The following ABCF1 variants were observed in gnomAD, a reference collection of about 807,000 sequenced individuals.
The protein encoded by ABCF1 is ATP binding cassette subfamily F member 1.
In ABCF1, 73 loss-of-function variants were observed where a neutral mutation model predicts 126.3. The observed-to-expected ratio is 0.58, with a 90% CI of 0.48 to 0.70. The LOEUF (loss-of-function observed/expected upper bound fraction) is 0.70. Among genes scored for constraint, ABCF1 ranks in the 30% least tolerant of loss-of-function variants. ABCF1 has a pLI of 0.00. For missense variants in ABCF1, 786 were observed against 1,057.5 expected (o/e 0.74, Z 3.56); for synonymous variants, 345 against 396.4 (o/e 0.87, Z 1.54).
At chr6:30,572,828 G>A (rs1004025885) in intron 1 of ABCF1, among the ~76,000 whole-genome samples, 2 of 152,158 alleles carry the variant, frequency 1.3e-5, no homozygotes, top group Admixed American at 6.5e-5. Flanking sequence ...AAAGATCATC[G>A]TGAATTAGCA....
At position 30,583,684 on chromosome 6, in the gene ABCF1, G is replaced by A. The variant is rs771210465; in HGVS notation, c.992G>A (p.Arg331His). The A allele has an allele frequency of 5.5e-5, 88 of 1,613,910 alleles. No homozygotes were observed. The highest frequency in any genetic ancestry group is 6.7e-5 in the Non-Finnish European group (79 of 1,179,950). ...GACCTGTACATTGTAGCCGGCCGCC[G>A]CTACGGGCTGGTAGGACCCAATGGG... ...NADLYIVAGR[R>H]YGLVGPNGKG... Residue 331 changes from arginine to histidine, a missense_variant, in exon 11 of 25, where the codon CGC becomes CAC. Physicochemically the swap from Arg to His is conservative, Grantham distance 29. Coordinates refer to ENST00000326195, the MANE Select transcript of ABCF1 (RefSeq NM_001025091.2). This position sits in a 1 kb window ranked among gnomAD's most constrained non-coding sequence, Gnocchi z 4.1.
intron 8 of ABCF1, among the ~76,000 whole-genome samples, chr6:30,582,166 C>T (rs552337457): frequency 1.3e-5 from 2 of 151,868 alleles, no homozygotes; most frequent in African/African-American, 2.4e-5. Flanking sequence ...ACACCATTCT[C>T]CTGCCTCAGC....
In ABCF1 at chr6:30,583,535, C is replaced by T. The variant is rs1197611200; in HGVS notation, c.916-73C>T. 2.8e-5 allele frequency: 42 copies of T among 1,498,486 alleles called. No homozygotes were observed. Among genetic ancestry groups the T allele is most frequent in the Non-Finnish European group, 3.5e-5 (38 of 1,079,996 alleles). 92.8% of individuals were successfully genotyped at this position (1,498,486 alleles called of 1,614,324 possible). The stretch of plus-strand genomic sequence containing the variant: ...GGCTTCCCTGCAGGGAGAAAGTGGC[C>T]GCTCCTGTCCCAAAGGGAGAATTTT... On this transcript the variant is annotated intron_variant, in intron 10 of 24. Transcript: ENST00000326195. This position sits in a 1 kb window ranked among gnomAD's most constrained non-coding sequence, Gnocchi z 4.1.
Position 30,586,481 on chromosome 6 carries a change from A to T in ABCF1, c.1893A>T (p.Thr631=), listed in dbSNP as rs1802140608. 1 of 1,613,550 alleles carries T rather than the reference A, an allele frequency of 6.2e-7. No individual in the cohort carries two copies. Among genetic ancestry groups the T allele is most frequent in the South Asian group, 1.1e-5 (1 of 91,086 alleles). ...SPPVLGLHGV[T]FGYQGQKPLF... ...TCTTTTCGTGGCTTTCAGGTGTGAC[A>T]TTCGGCTACCAGGGACAGAAACCAC... Residue 631 remains threonine (T), a synonymous_variant, in exon 19 of 25, where the codon ACA becomes ACT. Transcript: ENST00000326195. The surrounding 1 kb of genome is among the most constrained non-coding windows in gnomAD (Gnocchi z 4.9).
At chr6:30,588,651 G>A (rs897338267) in intron 20 of ABCF1, among the ~76,000 whole-genome samples, 1 of 151,944 alleles carries the variant, frequency 6.6e-6, no homozygotes, top group African/African-American at 2.4e-5. Flanking sequence ...GAGCCACCAC[G>A]CCCGGCAAAC....
At chr6:30,587,145 C>T (rs188659122) in intron 20 of ABCF1, among the ~76,000 whole-genome samples, 173 of 152,034 alleles carry the variant, frequency 1.1e-3, no homozygotes, top group African/African-American at 3.8e-3. Flanking sequence ...CCTAGCTACT[C>T]AGGAGGCTGA....
At chr6:30,581,839 T>C (rs1166428457) in intron 8 of ABCF1, among the ~76,000 whole-genome samples, 2 of 152,168 alleles carry the variant, frequency 1.3e-5, no homozygotes, top group African/African-American at 4.8e-5. Context: ...ACATAACGCG[T>C]TGTCACATTT....
chr6:30,590,353 G>T lies in ABCF1; in HGVS notation c.2346G>T (p.Gly782=). 3.1e-6 allele frequency: 5 copies of T among 1,611,190 alleles called. No individual in the cohort carries two copies. The highest frequency in any genetic ancestry group is 4.2e-6 in the Non-Finnish European group (5 of 1,178,890). ...NLDIESIDAL[G]EAINEYKGAV... ...ACATAGAGTCTATTGATGCTCTAGG[G>T]GAGGCCATCAATGAATACAAGGGTG... The change falls in exon 24 of 25, where the codon GGG becomes GGT. Residue 782 remains glycine, a synonymous_variant. Coordinates refer to ENST00000326195, the MANE Select transcript of ABCF1 (RefSeq NM_001025091.2).
At chr6:30,571,612 CTGCGCGTGTTTT>C in intron 1 of ABCF1, 52 bp downstream of exon 1, 1 of 1,568,112 alleles carries the variant, frequency 6.4e-7, no homozygotes. Flanking sequence ...AGAGAGGAGA[CTGCGCGTGTTTT>C]AAGAGAGGGT....
At position 30,590,704 on chromosome 6, in the gene ABCF1, T is replaced by A; in HGVS notation, c.*3T>A. 6.3e-7 allele frequency: 1 copy of A among 1,578,158 alleles called. No individual in the cohort carries two copies. Among genetic ancestry groups the A allele is most frequent in the Non-Finnish European group, 8.6e-7 (1 of 1,162,242 alleles). ...TGGTCAGCCGGCCCCGAGAGTGAGC[T>A]TTCCTTCCCAGAAGTCTCCCGAGAG... On this transcript the variant is annotated 3_prime_UTR_variant, in exon 25 of 25. Transcript: ENST00000326195.
Position 30,590,530 on chromosome 6 carries a change from C to G in ABCF1, c.2372-5C>G. ...GCCCTCTGTTGTTGCTATCTTTCTT[C>G]AAAGCTGTGATCGTTGTCAGCCATG... On this transcript the variant is annotated splice_region_variant and splice_polypyrimidine_tract_variant and intron_variant, in intron 24 of 24. Transcript: ENST00000326195. 6.2e-7 allele frequency: 1 copy of G among 1,607,228 alleles called. No individual in the cohort carries two copies. The highest frequency in any genetic ancestry group is 8.5e-7 in the Non-Finnish European group (1 of 1,177,618).
intron 20 of ABCF1, chr6:30,589,447 CA>C (rs1479418582): frequency 5.2e-6 from 3 of 573,984 alleles, no homozygotes; most frequent in African/African-American, 3.8e-5. Context: ...ACTAAAAATA[CA>C]AAAAATTAGC....
At position 30,590,300 on chromosome 6, in the gene ABCF1, A is replaced by G. The variant is rs751905927; in HGVS notation, c.2299-6A>G. 7.4e-6 allele frequency: 12 copies of G among 1,611,900 alleles called. No homozygotes were observed. The highest frequency in any genetic ancestry group is 1.6e-4 in the Middle Eastern group (1 of 6,082). ...AGTGCTCAGTCATGGAATTCCTCCT[A>G]TGTAGGACGAGCCAACCAATAACCT... On this transcript the variant is annotated splice_polypyrimidine_tract_variant and splice_region_variant and intron_variant, in intron 23 of 24. Coordinates refer to ENST00000326195, the MANE Select transcript of ABCF1 (RefSeq NM_001025091.2).
Position 30,583,664 on chromosome 6 carries a change from G to C in ABCF1, c.972G>C (p.Leu324=). 1.2e-6 allele frequency: 2 copies of C among 1,614,028 alleles called. No individual in the cohort carries two copies. Among genetic ancestry groups the C allele is most frequent in the Non-Finnish European group, 1.7e-6 (2 of 1,179,912 alleles). ...HGKELFVNAD[L]YIVAGRRYGL... is the part of the protein sequence containing the mutation. ...AGGAGCTGTTCGTCAATGCAGACCT[G>C]TACATTGTAGCCGGCCGCCGCTACG... Residue 324 remains leucine (L), a synonymous_variant, in exon 11 of 25, where the codon CTG becomes CTC. Coordinates refer to ENST00000326195, the MANE Select transcript of ABCF1 (RefSeq NM_001025091.2). The surrounding 1 kb of genome is among the most constrained non-coding windows in gnomAD (Gnocchi z 4.1).
chr6:30,572,636 T>TGAGA (rs1801311447), intron 1 of ABCF1, among the ~76,000 whole-genome samples: 1 of 152,168 alleles, frequency 6.6e-6, no homozygotes, highest in South Asian at 2.1e-4. Flanking sequence ...CCCAAGTAGT[T>TGAGA]GAGACTACTG....
At chr6:30,576,678 T>G (rs1466410537) in intron 1 of ABCF1, among the ~76,000 whole-genome samples, 1 of 152,038 alleles carries the variant, frequency 6.6e-6, no homozygotes, top group Non-Finnish European at 1.5e-5. Flanking sequence ...TCTGACAGCC[T>G]CCCCAGTGGA....
At chr6:30,579,811 C>A in intron 6 of ABCF1, 120 bp from the exon 7 acceptor site, 1 of 923,304 alleles carries the variant, frequency 1.1e-6, no homozygotes, top group Non-Finnish European at 1.5e-6. Flanking sequence ...TGCAACCTGT[C>A]GTAAATGGAG....
intron 3 of ABCF1, 35 bp from the exon 4 acceptor site, chr6:30,578,041 G>A: frequency 2.5e-6 from 4 of 1,613,892 alleles, no homozygotes; most frequent in Non-Finnish European, 3.4e-6. Context: ...AGGGGCCTGG[G>A]CTTCATTTTC....
At chr6:30,571,833 G>A (rs1801265060) in intron 1 of ABCF1, among the ~76,000 whole-genome samples, 1 of 152,040 alleles carries the variant, frequency 6.6e-6, no homozygotes, top group South Asian at 2.1e-4. Context: ...GGGGAGAAAT[G>A]GGAAAACCTT....
Sources: allele counts gnomAD v4.1 joint callset (sites outside exome capture counted in the v4.1 genomes callset), GRCh38; gene constraint gnomAD v4.1.1; non-coding constraint Gnocchi (gnomAD v3.1); transcripts MANE v1.5; gene names NCBI Gene and HGNC (gene_info 2026-07-23, HGNC 2026-07-21).